The following GSTCD variants were observed in gnomAD, a reference collection of about 807,000 sequenced individuals.
GSTCD encodes the protein glutathione S-transferase C-terminal domain-containing protein.
A neutral mutation model predicts 68.3 loss-of-function variants in GSTCD; 44 were observed. The ratio of observed to expected loss-of-function variants is 0.64; its 90% CI spans 0.51 to 0.83. GSTCD has a LOEUF of 0.83. GSTCD is among the 40% of genes least tolerant of loss of function. The probability of loss-of-function intolerance (pLI) is 0.00; values close to 1 mark genes in which losing one functional copy is unlikely to be tolerated. For synonymous variants in GSTCD, 273 were observed against 255.2 expected, an observed-to-expected ratio of 1.07 and a Z score of -0.67; for missense variants, 739 against 735.9, an observed-to-expected ratio of 1.00 and a Z score of -0.05.
chr4:105,715,549 GTAT>G (rs1221970240), intron 1 of GSTCD, among the ~76,000 whole-genome samples: 5 of 151,654 alleles, frequency 3.3e-5, no homozygotes, highest in African/African-American at 7.3e-5. Flanking sequence ...GTGATTATTT[GTAT>G]TATTAAGAAA....
chr4:105,837,863 C>G lies in GSTCD; in HGVS notation c.1669C>G (p.Gln557Glu), dbSNP rs1222938723. Reference sequence around the variant, plus strand: ...TTCCTTTTTTTTCTATTTCAGTGAACAATTCAAGAAAACTTTATCATACAA... The same window carrying G: ...TTCCTTTTTTTTCTATTTCAGTGAAGAATTCAAGAAAACTTTATCATACAA... ...TSKFNFPKSEQFKKTLSYKEH... is the reference protein window; with the variant it reads ...TSKFNFPKSEEFKKTLSYKEH... Residue 557 changes from glutamine (Q) to glutamate (E), a missense_variant, in exon 10 of 12, where the codon CAA becomes GAA. By Grantham distance (29) the Gln-to-Glu change is conservative. Transcript: ENST00000515279. The G allele has an allele frequency of 1.8e-6, 2 of 1,088,114 alleles. No individual in the cohort carries two copies. Among genetic ancestry groups the G allele is most frequent in the East Asian group, 2.6e-5 (1 of 39,168 alleles). 67.4% of individuals were successfully genotyped at this position (1,088,114 alleles called of 1,614,324 possible).
rs374714674 is a variant in GSTCD, at chr4:105,794,258, A to G, written c.1241-28696A>G. ...CAGTGGTTGCCGGACTACTGGGAGGAGGTAGAGATGAACAGGTGGAGCACA... is the reference window on the plus strand; with the variant it reads ...CAGTGGTTGCCGGACTACTGGGAGGGGGTAGAGATGAACAGGTGGAGCACA... On this transcript the variant is annotated intron_variant, in intron 5 of 11. Transcript: ENST00000515279. Among the ~76,000 whole-genome samples the G allele has an allele frequency of 2.2e-4, 33 of 152,152 alleles. No individual in the cohort carries two copies. The South Asian group carries it at 6.4e-3, about 30-fold the overall frequency.
chr4:105,782,058 C>G (rs759772613), intron 5 of GSTCD, among the ~76,000 whole-genome samples: 1 of 152,158 alleles, frequency 6.6e-6, no homozygotes, highest in Non-Finnish European at 1.5e-5. Context: ...CTTGCGCATA[C>G]CTTGTACAAG....
In GSTCD at chr4:105,846,317, C is replaced by T. The variant is rs896013865; in HGVS notation, c.*740C>T. On this transcript the variant is annotated 3_prime_UTR_variant, in exon 12 of 12. Transcript: ENST00000515279. Reference sequence around the variant, plus strand: ...AGTGAGCCTTGATAGCGCCACTGCACTCCTGCCTGGGAAAATGAGACCCAG... The same window carrying T: ...AGTGAGCCTTGATAGCGCCACTGCATTCCTGCCTGGGAAAATGAGACCCAG... 6.6e-6 allele frequency: 1 copy of T among 151,964 alleles called. No homozygotes were observed. Among genetic ancestry groups the T allele is most frequent in the Non-Finnish European group, 1.5e-5 (1 of 68,020 alleles). The allele number at this position is 151,964 out of a possible 1,614,324, so 9.4% of individuals were successfully genotyped here.
intron 5 of GSTCD, among the ~76,000 whole-genome samples, chr4:105,738,614 T>C (rs1011700806): frequency 1.3e-5 from 2 of 151,152 alleles, no homozygotes; most frequent in Non-Finnish European, 3.0e-5. Flanking sequence ...GTTAAATTCA[T>C]TTTTTTTTCT....
intron 5 of GSTCD, among the ~76,000 whole-genome samples, chr4:105,797,610 C>G (rs1735946125): frequency 6.6e-6 from 1 of 151,970 alleles, no homozygotes; most frequent in South Asian, 2.1e-4. Context: ...TGCTGACTGA[C>G]CAGGGTGGTG....
intron 5 of GSTCD, among the ~76,000 whole-genome samples, chr4:105,733,312 T>C (rs1031610815): frequency 6.6e-6 from 1 of 152,318 alleles, no homozygotes; most frequent in Admixed American, 6.5e-5. Flanking sequence ...ATTATTATTG[T>C]GTGGGAGTCT....
intron 5 of GSTCD, among the ~76,000 whole-genome samples, chr4:105,800,376 G>GA (rs1736061450): frequency 6.6e-6 from 1 of 152,144 alleles, no homozygotes; most frequent in South Asian, 2.1e-4. Context: ...AGGACACGTG[G>GA]GAATTGTGGG....
At chr4:105,713,729 A>G (rs1052403210) in intron 1 of GSTCD, among the ~76,000 whole-genome samples, 7 of 152,106 alleles carry the variant, frequency 4.6e-5, no homozygotes, top group African/African-American at 7.2e-5. Context: ...TTGAGCTCCT[A>G]TCAAATTGTA....
chr4:105,742,853 T>C (rs1442971169), intron 5 of GSTCD, among the ~76,000 whole-genome samples: 1 of 152,020 alleles, frequency 6.6e-6, no homozygotes, highest in African/African-American at 2.4e-5. Flanking sequence ...TAGCTAGGAC[T>C]ACAGGTGCAT....
intron 5 of GSTCD, among the ~76,000 whole-genome samples, chr4:105,738,875 G>C (rs1372930588): frequency 6.6e-6 from 1 of 152,184 alleles, no homozygotes; most frequent in African/African-American, 2.4e-5. Context: ...GATTCAGTAA[G>C]GTGAATAGGA....
At chr4:105,796,623 A>G (rs1735898361) in intron 5 of GSTCD, among the ~76,000 whole-genome samples, 1 of 151,848 alleles carries the variant, frequency 6.6e-6, no homozygotes, top group South Asian at 2.1e-4. Context: ...GTTTTCCTGA[A>G]TTTTGCCAAA....
intron 5 of GSTCD, chr4:105,746,304 A>G (rs1293565973): frequency 6.6e-6 from 1 of 152,174 alleles, no homozygotes; most frequent in Non-Finnish European, 1.5e-5. Context: ...CAAGGTGTAC[A>G]TTCTCATCAT....
At chr4:105,833,219 C>T (rs1723972447) in intron 8 of GSTCD, among the ~76,000 whole-genome samples, 1 of 152,164 alleles carries the variant, frequency 6.6e-6, no homozygotes, top group Non-Finnish European at 1.5e-5. Flanking sequence ...AATCCCAGCA[C>T]TTTGGGAGGC....
At chr4:105,749,432 G>A (rs72671886) in intron 5 of GSTCD, among the ~76,000 whole-genome samples, 39 of 151,928 alleles carry the variant, frequency 2.6e-4, no homozygotes, top group South Asian at 4.2e-4. Context: ...TCACTCTAGT[G>A]AGTGTTAAGA....
chr4:105,745,204 G>A (rs1156621024), intron 5 of GSTCD, among the ~76,000 whole-genome samples: 1 of 152,136 alleles, frequency 6.6e-6, no homozygotes, highest in African/African-American at 2.4e-5. Flanking sequence ...ACCCACATTT[G>A]TGTGAAAAAT....
At chr4:105,754,806 T>C (rs193107390) in intron 5 of GSTCD, among the ~76,000 whole-genome samples, 3 of 152,156 alleles carry the variant, frequency 2.0e-5, no homozygotes. Context: ...TTTAACAACT[T>C]CATTGACTAA....
At chr4:105,770,244 T>C (rs1398886188) in intron 5 of GSTCD, among the ~76,000 whole-genome samples, 6 of 152,238 alleles carry the variant, frequency 3.9e-5, no homozygotes, top group Admixed American at 3.9e-4. Context: ...TTTTATTTCT[T>C]ATGTTTTTCT....
intron 5 of GSTCD, among the ~76,000 whole-genome samples, chr4:105,744,226 A>T (rs752746252): frequency 6.6e-6 from 1 of 152,224 alleles, no homozygotes; most frequent in East Asian, 1.9e-4. Context: ...GGAATATCAC[A>T]GATGCGATGT....
Sources: allele counts gnomAD v4.1 joint callset (sites outside exome capture counted in the v4.1 genomes callset), GRCh38; gene constraint gnomAD v4.1.1; transcripts MANE v1.5; gene names NCBI Gene and HGNC (gene_info 2026-07-23, HGNC 2026-07-21).